Variants in CFAP20DC observed in about 807,000 individuals in gnomAD.
CFAP20DC encodes the protein CFAP20 domain containing.
CFAP20DC carries 84 observed loss-of-function variants against 101.7 expected under a neutral mutation model. The observed-to-expected ratio is 0.83, with a 90% confidence interval of 0.69 to 0.99. CFAP20DC has a LOEUF of 0.99. CFAP20DC is among the 50% of genes least tolerant of loss of function. The pLI is 0.00. For synonymous variants in CFAP20DC, 359 were observed against 351.2 expected, an observed-to-expected ratio of 1.02 and a Z score of -0.25; for missense variants, 1,007 against 970.3, an observed-to-expected ratio of 1.04 and a Z score of -0.50.
chr3:58,915,586 T>G (rs189738767), intron 5 of CFAP20DC, among the ~76,000 whole-genome samples: 127 of 152,028 alleles, frequency 8.4e-4, no homozygotes, highest in African/African-American at 3.0e-3. Flanking sequence ...CAGACATAAA[T>G]AAGAGAGTCC....
At chr3:58,976,868 G>A (rs113698118) in intron 4 of CFAP20DC, among the ~76,000 whole-genome samples, 3 of 152,204 alleles carry the variant, frequency 2.0e-5, no homozygotes, top group African/African-American at 7.2e-5. Flanking sequence ...GTCCTGTCCA[G>A]GTGGGTTCCT....
intron 12 of CFAP20DC, among the ~76,000 whole-genome samples, chr3:58,855,880 ATGC>A (rs2078750033): frequency 6.6e-6 from 1 of 150,732 alleles, no homozygotes; most frequent in African/African-American, 2.4e-5. Context: ...GATATACCTA[ATGC>A]TAGATGATGA....
chr3:58,776,249 C>G (rs1329830004), intron 15 of CFAP20DC, among the ~76,000 whole-genome samples: 1 of 152,122 alleles, frequency 6.6e-6, no homozygotes, highest in Non-Finnish European at 1.5e-5. Context: ...CCCAAACATG[C>G]CTTTTTAGCA....
At chr3:58,931,394 C>T (rs1298321748) in intron 5 of CFAP20DC, among the ~76,000 whole-genome samples, 2 of 152,336 alleles carry the variant, frequency 1.3e-5, no homozygotes, top group Admixed American at 6.5e-5. Flanking sequence ...TTAAATGTCC[C>T]TGTCTGACAG....
chr3:59,028,779 A>T (rs1043980773), intron 4 of CFAP20DC, among the ~76,000 whole-genome samples: 2 of 152,238 alleles, frequency 1.3e-5, no homozygotes, highest in Non-Finnish European at 1.5e-5. Context: ...GAGCTATAAC[A>T]AAGTGCTTAG....
chr3:58,922,905 G>T (rs2085543053), intron 5 of CFAP20DC, among the ~76,000 whole-genome samples: 1 of 151,624 alleles, frequency 6.6e-6, no homozygotes, highest in Admixed American at 6.6e-5. Flanking sequence ...ATTAGAATAT[G>T]TCATAGACAA....
At chr3:58,860,490 T>C (rs1479158447) in intron 12 of CFAP20DC, among the ~76,000 whole-genome samples, 5 of 152,212 alleles carry the variant, frequency 3.3e-5, no homozygotes, top group Admixed American at 6.5e-5. Flanking sequence ...ACATAATTCA[T>C]GTCCAAATAT....
At chr3:59,047,765 G>C (rs543492374) in intron 1 of CFAP20DC, among the ~76,000 whole-genome samples, 1 of 152,200 alleles carries the variant, frequency 6.6e-6, no homozygotes, top group East Asian at 1.9e-4. Context: ...CTGTAAAATG[G>C]GTTGTTGGAT....
intron 4 of CFAP20DC, among the ~76,000 whole-genome samples, chr3:58,982,866 CA>C (rs200851338): frequency 6.6e-6 from 1 of 151,660 alleles, no homozygotes; most frequent in East Asian, 1.9e-4. Flanking sequence ...ATAATAAAAA[CA>C]AAAAAAGTTT....
chr3:58,935,456 G>A (rs1392331435), intron 5 of CFAP20DC, among the ~76,000 whole-genome samples: 11 of 151,758 alleles, frequency 7.2e-5, no homozygotes, highest in Admixed American at 5.9e-4. Context: ...AAAAGAGCCC[G>A]CATCGCCAAG....
At chr3:58,853,253 C>T (rs1273732436) in intron 12 of CFAP20DC, among the ~76,000 whole-genome samples, 3 of 152,074 alleles carry the variant, frequency 2.0e-5, no homozygotes, top group African/African-American at 7.2e-5. Flanking sequence ...ATAAATTTCT[C>T]GACACATACA....
In CFAP20DC at chr3:58,899,606, T is replaced by C. The variant is rs542204205; in HGVS notation, c.550+14102A>G. Among the ~76,000 whole-genome samples the C allele has an allele frequency of 5.3e-5, 8 of 152,246 alleles. No individual in the cohort carries two copies. The highest frequency in any genetic ancestry group is 1.9e-4 in the African/African-American group (8 of 41,554). ...GCTCTGTTTATTGGACCCAGTACCC[T>C]GGTGGCATGCGCTTATGAGGGGATC... On this transcript the variant is annotated intron_variant, in intron 6 of 16. Coordinates refer to ENST00000482387, the MANE Select transcript of CFAP20DC (RefSeq NM_001394063.1). This position sits in a 1 kb window ranked among gnomAD's most constrained non-coding sequence, Gnocchi z 5.0.
chr3:58,904,943 T>C (rs1417523804), intron 6 of CFAP20DC, among the ~76,000 whole-genome samples: 1 of 152,192 alleles, frequency 6.6e-6, no homozygotes, highest in East Asian at 1.9e-4. Context: ...GTTAAATAAA[T>C]AGCCAATCTT....
chr3:58,775,127 T>C (rs1468424218), intron 15 of CFAP20DC, among the ~76,000 whole-genome samples: 2 of 152,172 alleles, frequency 1.3e-5, no homozygotes, highest in Non-Finnish European at 2.9e-5. Flanking sequence ...CTTGGTTTTA[T>C]ACATTTTAAG....
rs991225650 is a variant in CFAP20DC at position 59,001,476 on chromosome 3, C to A, written c.278+38081G>T. On this transcript the variant is annotated intron_variant, in intron 4 of 16. Coordinates refer to ENST00000482387, the MANE Select transcript of CFAP20DC (RefSeq NM_001394063.1). This position sits in a 1 kb window ranked among gnomAD's most constrained non-coding sequence, Gnocchi z 4.5. Reference sequence around the variant, plus strand: ...CTGGAGTGCAATGGCTCAATCTCAGCCTCGATCTCACCCCAACCTCCGCCT... The same window carrying A: ...CTGGAGTGCAATGGCTCAATCTCAGACTCGATCTCACCCCAACCTCCGCCT... 6.6e-6 allele frequency among the ~76,000 whole-genome samples: 1 copy of A among 152,104 alleles called. No individual in the cohort carries two copies. The highest frequency in any genetic ancestry group is 1.5e-5 in the Non-Finnish European group (1 of 68,016).
rs1475020900 is a variant in CFAP20DC, at chr3:58,831,764, G to A, written c.2097C>T (p.Ala699=). The A allele has an allele frequency of 3.1e-6, 5 of 1,614,084 alleles. No individual in the cohort carries two copies. In the South Asian group the frequency reaches 5.5e-5, roughly 18 times the overall value. ...EDAGTSHGLS[A]SQVDNCNVSI... is the part of the protein sequence containing the mutation. ...TGACATTACAGTTGTCCACCTGGGA[G>A]GCACTCAGGCCATGGGAGGTCCCAG... The change falls in exon 14 of 17, where the codon GCC becomes GCT. Residue 699 remains alanine, a synonymous_variant. Coordinates refer to ENST00000482387, the MANE Select transcript of CFAP20DC (RefSeq NM_001394063.1).
At chr3:58,735,830 TA>T (rs2067741136) in intron 3 of CFAP20DC, among the ~76,000 whole-genome samples, 1 of 152,320 alleles carries the variant, frequency 6.6e-6, no homozygotes, top group Admixed American at 6.5e-5. Context: ...ATGTCCCTTA[TA>T]AATTAAGGAT....
At chr3:58,798,164 C>A (rs114606250) in intron 15 of CFAP20DC, among the ~76,000 whole-genome samples, 250 of 143,222 alleles carry the variant, frequency 1.7e-3, no homozygotes, top group African/African-American at 6.0e-3. Context: ...AAGGCTATGG[C>A]TGCCATAGAT....
At chr3:58,984,179 T>A (rs1247977464) in intron 4 of CFAP20DC, among the ~76,000 whole-genome samples, 1 of 152,168 alleles carries the variant, frequency 6.6e-6, no homozygotes. Flanking sequence ...AAATTAAATT[T>A]TCTCTACTTA....
Sources: allele counts gnomAD v4.1 joint callset (sites outside exome capture counted in the v4.1 genomes callset), GRCh38; gene constraint gnomAD v4.1.1; non-coding constraint Gnocchi (gnomAD v3.1); transcripts MANE v1.5; gene names NCBI Gene and HGNC (gene_info 2026-07-23, HGNC 2026-07-21).